IQGAP2: variants seen among roughly 807,000 people sequenced by gnomAD.
IQGAP2 encodes the protein IQ motif containing GTPase activating protein 2, also known as ras GTPase-activating-like protein IQGAP2.
In IQGAP2, 173 loss-of-function variants were observed where a neutral mutation model predicts 201.3. The observed-to-expected ratio is 0.86, with a 90% CI of 0.76 to 0.98. The LOEUF (loss-of-function observed/expected upper bound fraction) is 0.98. IQGAP2 is among the 50% of genes least tolerant of loss of function. The pLI, the probability that IQGAP2 is intolerant of heterozygous loss-of-function variation, is 0.00. For synonymous variants in IQGAP2, 675 were observed against 673.9 expected (o/e 1.00, Z -0.03); for missense variants, 1,687 against 1,864.8 (o/e 0.90, Z 1.76).
At chr5:76,644,189 A>C (rs1246346279) in intron 17 of IQGAP2, among the ~76,000 whole-genome samples, 5 of 152,086 alleles carry the variant, frequency 3.3e-5, no homozygotes, top group Middle Eastern at 3.4e-3. Flanking sequence ...CTGCACAGAA[A>C]ATATATTTAT....
chr5:76,585,624 C>T (rs1162517696), intron 5 of IQGAP2, among the ~76,000 whole-genome samples: 2 of 152,032 alleles, frequency 1.3e-5, no homozygotes, highest in East Asian at 1.9e-4. Context: ...AAGCGATTCT[C>T]CTGCCTCAGC....
intron 14 of IQGAP2, among the ~76,000 whole-genome samples, chr5:76,627,955 A>T (rs1750392301): frequency 6.6e-6 from 1 of 152,136 alleles, no homozygotes. Flanking sequence ...ATTCTTACTT[A>T]ATCTGTACAA....
intron 13 of IQGAP2, among the ~76,000 whole-genome samples, chr5:76,611,685 A>C (rs1033756979): frequency 6.6e-6 from 1 of 152,224 alleles, no homozygotes; most frequent in Non-Finnish European, 1.5e-5. Context: ...GATGTTTGAG[A>C]TTGTCGGGGA....
chr5:76,415,152 A>G (rs1483360100), intron 1 of IQGAP2, among the ~76,000 whole-genome samples: 1 of 152,230 alleles, frequency 6.6e-6, no homozygotes, highest in Non-Finnish European at 1.5e-5. Flanking sequence ...AGTTTTCACC[A>G]TATGCCGTAT....
At chr5:76,426,225 G>A (rs1479553416) in intron 1 of IQGAP2, among the ~76,000 whole-genome samples, 2 of 152,146 alleles carry the variant, frequency 1.3e-5, no homozygotes, top group South Asian at 2.1e-4. Context: ...TTCTCCCTGG[G>A]AACAGCGTGC....
chr5:76,493,533 G>T (rs923203748), intron 2 of IQGAP2, among the ~76,000 whole-genome samples: 2 of 152,056 alleles, frequency 1.3e-5, no homozygotes, highest in African/African-American at 4.8e-5. Flanking sequence ...TTGTTGTCAT[G>T]ACTGATTACC....
In IQGAP2 at chr5:76,633,024, A is replaced by C. The variant is rs547445361; in HGVS notation, c.1780+998A>C. Among the ~76,000 whole-genome samples, 8 of 152,248 alleles carry C rather than the reference A, an allele frequency of 5.3e-5. No homozygotes were observed. In the South Asian group the frequency reaches 6.2e-4, roughly 12 times the overall value. ...AGATCTCTTCATCAAGAATTACTGT[A>C]ATGTCCCCTGTCTCATCCTTCATTG... On this transcript the variant is annotated intron_variant, in intron 15 of 35. Coordinates refer to ENST00000274364, the MANE Select transcript of IQGAP2 (RefSeq NM_006633.5).
At chr5:76,435,762 G>T (rs539390521) in intron 1 of IQGAP2, among the ~76,000 whole-genome samples, 1 of 152,160 alleles carries the variant, frequency 6.6e-6, no homozygotes, top group South Asian at 2.1e-4. Context: ...TGAATTTGTA[G>T]ATTGCTTTAG....
chr5:76,559,597 T>C (rs1370818871), intron 2 of IQGAP2, among the ~76,000 whole-genome samples: 1 of 152,188 alleles, frequency 6.6e-6, no homozygotes, highest in African/African-American at 2.4e-5. Flanking sequence ...GCCATGTTTC[T>C]TTTATGCCTT....
chr5:76,404,965 A>T (rs1315429484), intron 1 of IQGAP2, among the ~76,000 whole-genome samples: 1 of 152,224 alleles, frequency 6.6e-6, no homozygotes, highest in Non-Finnish European at 1.5e-5. Flanking sequence ...TGCTGTGCTC[A>T]TTCAGTGTTT....
chr5:76,492,267 C>A (rs962173433), intron 2 of IQGAP2, among the ~76,000 whole-genome samples: 1 of 152,142 alleles, frequency 6.6e-6, no homozygotes, highest in African/African-American at 2.4e-5. Flanking sequence ...ACAGCATGCA[C>A]CTGTGGACTG....
chr5:76,510,287 A>G (rs905192402), intron 2 of IQGAP2, among the ~76,000 whole-genome samples: 1 of 152,200 alleles, frequency 6.6e-6, no homozygotes, highest in Non-Finnish European at 1.5e-5. Context: ...GGCATGAGCT[A>G]CTGTGCCTGG....
At chr5:76,566,910 A>T (rs1744791174) in intron 3 of IQGAP2, among the ~76,000 whole-genome samples, 1 of 151,786 alleles carries the variant, frequency 6.6e-6, no homozygotes, top group Non-Finnish European at 1.5e-5. Flanking sequence ...CATGGTGGGG[A>T]CTTGAGAGAT....
intron 13 of IQGAP2, among the ~76,000 whole-genome samples, chr5:76,625,543 T>C (rs1262725381): frequency 2.6e-5 from 4 of 152,194 alleles, no homozygotes; most frequent in South Asian, 2.1e-4. Context: ...TTGCTGATGC[T>C]TCCCTTGTAG....
At chr5:76,561,622 G>C (rs1159951149) in intron 2 of IQGAP2, among the ~76,000 whole-genome samples, 2 of 152,188 alleles carry the variant, frequency 1.3e-5, no homozygotes, top group Admixed American at 1.3e-4. Context: ...GTATCCTCAT[G>C]ACTCTGGCAG....
rs1757659546 is a variant in IQGAP2 at position 76,507,294 on chromosome 5, CT to C, written c.146+45626del. On this transcript the variant is annotated intron_variant, in intron 2 of 35. Transcript: ENST00000274364. ...AGATAATTTTTTTCAACGAATGGTG[CT>C]GAAACAACTGGAATCCACATGCACA... Among the ~76,000 whole-genome samples the C allele has an allele frequency of 3.3e-5, 5 of 152,218 alleles. No homozygotes were observed. In the South Asian group the frequency reaches 8.3e-4, roughly 25 times the overall value.
intron 13 of IQGAP2, among the ~76,000 whole-genome samples, chr5:76,612,640 C>T (rs1748506913): frequency 6.6e-6 from 1 of 151,894 alleles, no homozygotes; most frequent in African/African-American, 2.4e-5. Context: ...TTTATTGCAG[C>T]TTTGTTTGCA....
intron 13 of IQGAP2, among the ~76,000 whole-genome samples, chr5:76,613,567 C>T (rs781456021): frequency 6.6e-6 from 1 of 151,940 alleles, no homozygotes; most frequent in Non-Finnish European, 1.5e-5. Context: ...AATATGTGCA[C>T]GTGTTTGTGT....
chr5:76,452,514 G>C (rs889863326), intron 1 of IQGAP2, among the ~76,000 whole-genome samples: 3 of 151,972 alleles, frequency 2.0e-5, no homozygotes, highest in East Asian at 3.9e-4. Context: ...GACTATATTT[G>C]AGATTTTTGG....
Sources: allele counts gnomAD v4.1 joint callset (sites outside exome capture counted in the v4.1 genomes callset), GRCh38; gene constraint gnomAD v4.1.1; transcripts MANE v1.5; gene names NCBI Gene and HGNC (gene_info 2026-07-23, HGNC 2026-07-21).